ARHGEF7: variants seen among roughly 807,000 people sequenced by gnomAD.
ARHGEF7 encodes the protein PAK-interacting exchange factor beta.
ARHGEF7 carries 33 observed loss-of-function variants against 109.8 expected under a neutral mutation model. That is an observed-to-expected ratio of 0.30 (90% CI 0.23 to 0.40). ARHGEF7 has a LOEUF of 0.40. ARHGEF7 is among the 10% of genes least tolerant of loss of function. ARHGEF7 has a pLI of 1.00. For missense variants in ARHGEF7, 938 were observed against 1,098.5 expected, an observed-to-expected ratio of 0.85 and a Z score of 2.07; for synonymous variants, 458 against 424.6, an observed-to-expected ratio of 1.08 and a Z score of -0.97.
chr13:111,191,721 G>T (rs2079911702), intron 2 of ARHGEF7, among the ~76,000 whole-genome samples: 1 of 152,102 alleles, frequency 6.6e-6, no homozygotes, highest in South Asian at 2.1e-4. Flanking sequence ...ATTGTATGAG[G>T]TATCCAAGGA....
chr13:111,241,769 A>G (rs1056204454), intron 6 of ARHGEF7, among the ~76,000 whole-genome samples: 1 of 152,210 alleles, frequency 6.6e-6, no homozygotes, highest in Non-Finnish European at 1.5e-5. Flanking sequence ...AAATAAGTAT[A>G]TAGGTCTTCA....
intron 1 of ARHGEF7, among the ~76,000 whole-genome samples, chr13:111,141,273 C>T (rs2075333129): frequency 6.6e-6 from 1 of 152,088 alleles, no homozygotes; most frequent in Admixed American, 6.5e-5. Flanking sequence ...AGTAGTTTCA[C>T]TGCCCTGAAG....
chr13:111,209,905 G>T lies in ARHGEF7; in HGVS notation c.371G>T (p.Arg124Leu), dbSNP rs764281725. 2 of 1,614,124 alleles carry T rather than the reference G, an allele frequency of 1.2e-6. No homozygotes were observed. The stretch of plus-strand genomic sequence containing the variant: ...CTGGGGAGTGACTCCGTGTGTGCCC[G>T]GCCCTCGTCTCACCGCATAAAGTCT... Reference protein sequence around the residue: ...IGLGSDSVCARPSSHRIKSFD... With the variant: ...IGLGSDSVCALPSSHRIKSFD... The change falls in exon 4 of 22, where the codon CGG becomes CTG. Residue 124 changes from arginine (R) to leucine (L), a missense_variant. This residue lies in a region of ARHGEF7 where 585 missense variants were observed against 723.6 expected (regional missense o/e 0.81). Transcript: ENST00000646102.
At chr13:111,268,184 G>A (rs879540889) in intron 9 of ARHGEF7, among the ~76,000 whole-genome samples, 1 of 152,154 alleles carries the variant, frequency 6.6e-6, no homozygotes, top group Non-Finnish European at 1.5e-5. Context: ...TGCTTCCTGC[G>A]AATTGGAGGA....
intron 18 of ARHGEF7, 88 bp downstream of exon 18, chr13:111,288,531 C>G: frequency 9.8e-7 from 1 of 1,018,604 alleles, no homozygotes; most frequent in Non-Finnish European, 1.5e-6. Context: ...TGTGGTAGGC[C>G]CCTTGCACAG....
chr13:111,115,739 T>G, intron 1 of ARHGEF7, 48 bp downstream of exon 1: 1 of 1,044,144 alleles, frequency 9.6e-7, no homozygotes. Flanking sequence ...TCCGGCCCGC[T>G]GCGGCCCGGG....
intron 3 of ARHGEF7, among the ~76,000 whole-genome samples, chr13:111,205,837 C>G (rs531676420): frequency 6.6e-6 from 1 of 152,118 alleles, no homozygotes; most frequent in East Asian, 1.9e-4. Context: ...GGCTGTGGCA[C>G]CCAGGTACAT....
intron 1 of ARHGEF7, among the ~76,000 whole-genome samples, chr13:111,144,995 C>T (rs1055769587): frequency 3.9e-5 from 6 of 151,966 alleles, no homozygotes; most frequent in African/African-American, 1.5e-4. Flanking sequence ...AGAGACAGCT[C>T]CATGCATTTC....
intron 2 of ARHGEF7, among the ~76,000 whole-genome samples, chr13:111,198,009 A>T (rs1269097957): frequency 6.6e-6 from 1 of 152,122 alleles, no homozygotes; most frequent in Non-Finnish European, 1.5e-5. Context: ...CACAGGGTCA[A>T]CCAGCTTGTT....
intron 1 of ARHGEF7, among the ~76,000 whole-genome samples, chr13:111,136,433 A>G (rs1415885875): frequency 6.6e-6 from 1 of 152,242 alleles, no homozygotes; most frequent in African/African-American, 2.4e-5. Context: ...ACTCAGGATT[A>G]AGAAACTCAC....
rs1212540775 is a variant in ARHGEF7, at chr13:111,241,188, G to T, written c.760-2684G>T. ...TGTGGGCCTTTCTTCAGCACTGTGG[G>T]TCGTAAAAGCTGCCTTTTCTTTGAA... is the stretch of plus-strand genomic sequence containing the variant. On this transcript the variant is annotated intron_variant, in intron 6 of 21. Transcript: ENST00000646102. The T allele has an allele frequency of 2.0e-6, 3 of 1,536,068 alleles. No individual in the cohort carries two copies. The East Asian group carries it at 7.3e-5, about 38-fold the overall frequency.
intron 1 of ARHGEF7, among the ~76,000 whole-genome samples, chr13:111,126,825 C>T (rs1476290886): frequency 6.6e-6 from 1 of 152,044 alleles, no homozygotes; most frequent in Non-Finnish European, 1.5e-5. Flanking sequence ...CACCACTCAC[C>T]CTGCACATAG....
chr13:111,146,943 A>G (rs947699980), intron 1 of ARHGEF7, among the ~76,000 whole-genome samples: 1 of 152,210 alleles, frequency 6.6e-6, no homozygotes, highest in South Asian at 2.1e-4. Flanking sequence ...TGATTCTGGG[A>G]CTATGTCTCT....
chr13:111,293,597 A>G (rs2093354438), intron 19 of ARHGEF7: 8 of 985,238 alleles, frequency 8.1e-6, no homozygotes, highest in African/African-American at 1.7e-5. Context: ...TGAGGGGCCA[A>G]ATTGTGTTCT....
rs976877106 is a variant in ARHGEF7, at chr13:111,265,124, C to CAAAA, written c.951-2404_951-2401dup. 1.6e-3 allele frequency among the ~76,000 whole-genome samples: 112 copies of CAAAA among 69,238 alleles called. 2 individuals are homozygous for CAAAA. Among genetic ancestry groups the CAAAA allele is most frequent in the African/African-American group, 2.8e-3 (48 of 17,236 alleles). The allele number at this position is 69,238 out of a possible 152,430, so 45.4% of individuals were successfully genotyped here. On this transcript the variant is annotated intron_variant, in intron 8 of 21. Coordinates refer to ENST00000646102, the MANE Select transcript of ARHGEF7 (RefSeq NM_001354046.2). ...GGGTAACAAGAGAGAAACTCCATCT[C>CAAAA]AAAAAAAAAAAAAAAAAAAAAAAGA...
rs1191080597 is a variant in ARHGEF7 at position 111,303,178 on chromosome 13, A to G, written c.*65A>G. On this transcript the variant is annotated 3_prime_UTR_variant, in exon 22 of 22. Coordinates refer to ENST00000646102, the MANE Select transcript of ARHGEF7 (RefSeq NM_001354046.2). Reference sequence around the variant, plus strand: ...GGTGAAGCTGGGCACCCCTGACCCAAGTCGGGGTGCACTCAGGACCACAGG... The same window carrying G: ...GGTGAAGCTGGGCACCCCTGACCCAGGTCGGGGTGCACTCAGGACCACAGG... 1.8e-6 allele frequency: 2 copies of G among 1,111,624 alleles called. No individual in the cohort carries two copies. The highest frequency in any genetic ancestry group is 2.5e-6 in the Non-Finnish European group (2 of 807,020). The allele number at this position is 1,111,624 out of a possible 1,614,324, so 68.9% of individuals were successfully genotyped here. A position where few individuals can be genotyped will look rare whatever the true frequency, so the allele number is the denominator to read the frequency against.
At chr13:111,121,793 T>C (rs1190653770) in intron 1 of ARHGEF7, among the ~76,000 whole-genome samples, 1 of 152,100 alleles carries the variant, frequency 6.6e-6, no homozygotes, top group Non-Finnish European at 1.5e-5. Flanking sequence ...AGCCATTTGC[T>C]CTGTGACTTC....
At chr13:111,173,284 G>T (rs1271604507) in intron 2 of ARHGEF7, among the ~76,000 whole-genome samples, 2 of 152,184 alleles carry the variant, frequency 1.3e-5, no homozygotes, top group Non-Finnish European at 2.9e-5. Flanking sequence ...CTCAGAGCCT[G>T]GCAGCCTGGA....
In ARHGEF7 at chr13:111,239,546, ATCT is replaced by A. The variant is rs2087401243; in HGVS notation, c.760-4322_760-4320del. On this transcript the variant is annotated intron_variant, in intron 6 of 21. Coordinates refer to ENST00000646102, the MANE Select transcript of ARHGEF7 (RefSeq NM_001354046.2). The surrounding 1 kb of genome is among the most constrained non-coding windows in gnomAD (Gnocchi z 4.3). ...AACCCTGGCGTTGCTTCGTCTCTTC[ATCT>A]TCTGCTTTGCCCTTGGCTTTTCTCC... Among the ~76,000 whole-genome samples the A allele has an allele frequency of 1.3e-5, 2 of 151,926 alleles. No homozygotes were observed. The highest frequency in any genetic ancestry group is 1.3e-4 in the Admixed American group (2 of 15,258).
Sources: gnomAD v4.1 joint callset for allele counts (sites outside exome capture counted in the v4.1 genomes callset) on GRCh38, gnomAD v4.1.1 for gene constraint, gnomAD v4.1.1 regional missense constraint, Gnocchi (gnomAD v3.1) non-coding constraint, MANE v1.5 for transcripts, NCBI Gene and HGNC (gene_info 2026-07-23, HGNC 2026-07-21) for gene names.